NPAS3: variants seen among roughly 807,000 people sequenced by gnomAD.
NPAS3 encodes the protein neuronal PAS domain-containing protein 3.
In NPAS3, 14 loss-of-function variants were observed where a neutral mutation model predicts 73.1. That is an observed-to-expected ratio of 0.19 (90% CI 0.13 to 0.30). NPAS3 has a LOEUF of 0.30. Among genes scored for constraint, NPAS3 ranks in the 10% least tolerant of loss-of-function variants. The pLI, the probability that NPAS3 is intolerant of heterozygous loss-of-function variation, is 1.00. For synonymous variants in NPAS3, 620 were observed against 541.5 expected, an observed-to-expected ratio of 1.14 and a Z score of -2.01; for missense variants, 1,096 against 1,250.0, an observed-to-expected ratio of 0.88 and a Z score of 1.86.
rs976384812 is a variant in NPAS3, at chr14:33,609,799, C to G, written c.558+49589C>G. On this transcript the variant is annotated intron_variant, in intron 5 of 11. Transcript: ENST00000356141. ...TGATGCCTCATTACACACTGTTCCT[C>G]CCATTCTGCAGCGCCGAGTCTCTGA... Among the ~76,000 whole-genome samples the G allele has an allele frequency of 3.9e-5, 6 of 152,248 alleles. No homozygotes were observed. The South Asian group carries it at 1.2e-3, about 32-fold the overall frequency.
At chr14:33,211,658 ATATATT>A (rs2047039704) in intron 2 of NPAS3, among the ~76,000 whole-genome samples, 1 of 152,184 alleles carries the variant, frequency 6.6e-6, no homozygotes. Flanking sequence ...CTATCTATCT[ATATATT>A]TATATGCACA....
At chr14:33,548,296 T>C (rs2054940604) in intron 4 of NPAS3, among the ~76,000 whole-genome samples, 1 of 152,206 alleles carries the variant, frequency 6.6e-6, no homozygotes, top group African/African-American at 2.4e-5. Context: ...ATTCATCAAA[T>C]GTAGTGAATG....
At chr14:33,709,149 C>T (rs576651774) in intron 6 of NPAS3, among the ~76,000 whole-genome samples, 5 of 152,286 alleles carry the variant, frequency 3.3e-5, no homozygotes, top group East Asian at 3.9e-4. Context: ...TGCCTGCCTG[C>T]GGCACATAAC....
chr14:33,451,991 A>G (rs777492576), intron 4 of NPAS3, among the ~76,000 whole-genome samples: 4 of 152,216 alleles, frequency 2.6e-5, no homozygotes, highest in Admixed American at 1.3e-4. Flanking sequence ...CATCAAATTC[A>G]TAATGATATT....
At position 33,469,320 on chromosome 14, in the gene NPAS3, G is replaced by A. The variant is rs531726817; in HGVS notation, c.469-90801G>A. On this transcript the variant is annotated intron_variant, in intron 4 of 11. Transcript: ENST00000356141. ...CTTTAAAAAAAAAAAAAAAGAGTGT[G>A]TGTGTATGTATATGTTCTATGTGCT... Among the ~76,000 whole-genome samples, 266 of 150,444 alleles carry A rather than the reference G, an allele frequency of 1.8e-3. 1 individual carries two copies. The highest frequency in any genetic ancestry group is 6.2e-3 in the African/African-American group (253 of 40,764).
chr14:33,566,440 T>TC (rs961152139), intron 5 of NPAS3, among the ~76,000 whole-genome samples: 3 of 151,838 alleles, frequency 2.0e-5, no homozygotes, highest in African/African-American at 7.3e-5. Context: ...TGCTCGTTCT[T>TC]CCCCCCTTTT....
chr14:33,498,412 A>G (rs184557551), intron 4 of NPAS3, among the ~76,000 whole-genome samples: 91 of 152,312 alleles, frequency 6.0e-4, no homozygotes, highest in African/African-American at 1.8e-3. Flanking sequence ...CTGCAGCACT[A>G]TTCACAATAG....
intron 5 of NPAS3, among the ~76,000 whole-genome samples, chr14:33,654,323 G>A (rs1268932059): frequency 2.6e-5 from 4 of 152,100 alleles, no homozygotes; most frequent in African/African-American, 9.7e-5. Context: ...CACTTATCAG[G>A]ATAATAGGAA....
intron 3 of NPAS3, among the ~76,000 whole-genome samples, chr14:33,245,995 G>A (rs1484078771): frequency 6.6e-6 from 1 of 151,096 alleles, no homozygotes; most frequent in African/African-American, 2.4e-5. Context: ...TTTAGTTGCT[G>A]CTTTTTCTCC....
intron 5 of NPAS3, among the ~76,000 whole-genome samples, chr14:33,617,931 G>T (rs927769355): frequency 1.3e-5 from 2 of 152,140 alleles, no homozygotes. Flanking sequence ...GCTGACACTT[G>T]CATCTCTCCA....
chr14:33,445,556 C>T (rs148427071), intron 4 of NPAS3, among the ~76,000 whole-genome samples: 15 of 152,216 alleles, frequency 9.9e-5, no homozygotes, highest in African/African-American at 3.6e-4. Flanking sequence ...AAAACATTTC[C>T]AATAACAAAA....
At chr14:33,446,205 G>T in intron 4 of NPAS3, among the ~76,000 whole-genome samples, 1 of 122,470 alleles carries the variant, frequency 8.2e-6, no homozygotes, top group Admixed American at 1.1e-4. Flanking sequence ...GTCTCGCTCT[G>T]TCGCCCAGGC....
chr14:33,359,479 C>A (rs1006151801), intron 3 of NPAS3, among the ~76,000 whole-genome samples: 8 of 152,158 alleles, frequency 5.3e-5, no homozygotes, highest in Non-Finnish European at 1.0e-4. Flanking sequence ...GTAATCTCCA[C>A]CCCCTTCCTA....
At chr14:33,117,021 A>G (rs2043087675) in intron 2 of NPAS3, among the ~76,000 whole-genome samples, 1 of 152,082 alleles carries the variant, frequency 6.6e-6, no homozygotes, top group Non-Finnish European at 1.5e-5. Context: ...TTTCTTTATA[A>G]TTTATGTGCA....
intron 4 of NPAS3, among the ~76,000 whole-genome samples, chr14:33,445,303 T>G (rs768224916): frequency 2.0e-5 from 3 of 152,246 alleles, no homozygotes; most frequent in Non-Finnish European, 4.4e-5. Context: ...TATTACTATA[T>G]GTACTTCAAA....
intron 1 of NPAS3, among the ~76,000 whole-genome samples, chr14:32,950,801 T>G (rs548934484): frequency 1.4e-4 from 22 of 152,236 alleles, no homozygotes; most frequent in South Asian, 4.1e-4. Context: ...TTGTGTATTT[T>G]AAAAGATAGC....
intron 2 of NPAS3, among the ~76,000 whole-genome samples, chr14:33,166,236 G>T (rs759974342): frequency 7.9e-5 from 12 of 152,078 alleles, no homozygotes; most frequent in Non-Finnish European, 1.3e-4. Context: ...TTTTCATTTG[G>T]CACTGGGCTT....
At chr14:33,387,993 G>A (rs1485021692) in intron 4 of NPAS3, among the ~76,000 whole-genome samples, 1 of 152,164 alleles carries the variant, frequency 6.6e-6, no homozygotes, top group Non-Finnish European at 1.5e-5. Context: ...TAAGGAGAAG[G>A]CTTGAATTCT....
intron 5 of NPAS3, among the ~76,000 whole-genome samples, chr14:33,568,154 T>C (rs1204695140): frequency 6.6e-6 from 1 of 152,182 alleles, no homozygotes; most frequent in African/African-American, 2.4e-5. Flanking sequence ...GCTAGTTCAT[T>C]TTATTTGTGT....
Sources: allele counts gnomAD v4.1 joint callset (sites outside exome capture counted in the v4.1 genomes callset), GRCh38; gene constraint gnomAD v4.1.1; transcripts MANE v1.5; gene names NCBI Gene and HGNC (gene_info 2026-07-23, HGNC 2026-07-21).